The following STOX2 variants were observed in gnomAD, a reference collection of about 807,000 sequenced individuals.
The protein encoded by STOX2 is storkhead box 2.
STOX2 carries 28 observed loss-of-function variants against 60.9 expected under a neutral mutation model. The ratio of observed to expected loss-of-function variants is 0.46; its 90% CI spans 0.34 to 0.63. The LOEUF (loss-of-function observed/expected upper bound fraction) is 0.63, where lower values mean the gene tolerates loss of function less well. Ranked by LOEUF, STOX2 falls within the 30% of genes least tolerant of loss-of-function variation. STOX2 has a pLI of 0.01. For synonymous variants in STOX2, 472 were observed against 463.9 expected (o/e 1.02, Z -0.22); for missense variants, 1,024 against 1,187.7 (o/e 0.86, Z 2.03).
Position 183,892,430 on chromosome 4 carries a change from C to T in STOX2, c.364+94375C>T, listed in dbSNP as rs188401342. On this transcript the variant is annotated intron_variant, in intron 1 of 2. Coordinates refer to the STOX2 transcript ENST00000513034. ...AGTAGCTGGGACTATGGGCGCCCGC[C>T]ACCACGCCCGGCTAATTTTTTTTGT... Among the ~76,000 whole-genome samples the T allele has an allele frequency of 3.7e-3, 557 of 152,200 alleles. 10 individuals carry two copies. Among genetic ancestry groups the T allele is most frequent in the Admixed American group, 0.02 (305 of 15,310 alleles).
intron 1 of STOX2, among the ~76,000 whole-genome samples, chr4:183,874,979 ATATATATATATAT>A (rs1560857887): frequency 2.7e-4 from 30 of 109,508 alleles, no homozygotes; most frequent in African/African-American, 1.0e-3. Flanking sequence ...ATATATATAT[ATATATATATATAT>A]AAAACTTAGA....
intron 1 of STOX2, among the ~76,000 whole-genome samples, chr4:183,876,822 A>T (rs767814593): frequency 3.9e-5 from 6 of 152,220 alleles, no homozygotes; most frequent in Non-Finnish European, 7.3e-5. Context: ...CGGGCATTCT[A>T]TTCTGACGTT....
chr4:183,971,594 C>T (rs1418689247), intron 1 of STOX2, among the ~76,000 whole-genome samples: 1 of 152,186 alleles, frequency 6.6e-6, no homozygotes, highest in African/African-American at 2.4e-5. Flanking sequence ...CTTTGAGTCA[C>T]CCATATCTGT....
At chr4:183,858,692 C>T (rs969501631) in intron 1 of STOX2, among the ~76,000 whole-genome samples, 1 of 152,238 alleles carries the variant, frequency 6.6e-6, no homozygotes, top group Admixed American at 6.5e-5. Flanking sequence ...GATAGTTATC[C>T]CTCTAGACTT....
At chr4:183,924,785 G>A (rs913558274) in intron 1 of STOX2, among the ~76,000 whole-genome samples, 3 of 152,102 alleles carry the variant, frequency 2.0e-5, no homozygotes, top group Admixed American at 1.3e-4. Context: ...CATGCCTGGC[G>A]GTGCCTGTCT....
At chr4:183,959,332 A>AG (rs148979249) in intron 1 of STOX2, among the ~76,000 whole-genome samples, 1,742 of 152,238 alleles carry the variant, frequency 0.011, 31 homozygotes, top group African/African-American at 0.04. Flanking sequence ...TCAGGGCGGA[A>AG]GGGGGGGTTT....
chr4:183,923,629 A>G (rs1742161337), intron 1 of STOX2, among the ~76,000 whole-genome samples: 2 of 152,340 alleles, frequency 1.3e-5, no homozygotes, highest in East Asian at 1.9e-4. Context: ...GGCAAAGTAC[A>G]CTTGTGATTC....
intron 1 of STOX2, among the ~76,000 whole-genome samples, chr4:183,874,309 T>C (rs1740762496): frequency 6.6e-6 from 1 of 152,198 alleles, no homozygotes; most frequent in South Asian, 2.1e-4. Flanking sequence ...CATTTTTCTT[T>C]GGTTGTGCAG....
At chr4:183,877,847 AT>A (rs970410282) in intron 1 of STOX2, among the ~76,000 whole-genome samples, 99 of 149,464 alleles carry the variant, frequency 6.6e-4, no homozygotes, top group African/African-American at 1.7e-3. Flanking sequence ...CACCTGACTA[AT>A]TTTTTTTTTC....
At chr4:183,866,761 C>T (rs1020604896) in intron 1 of STOX2, among the ~76,000 whole-genome samples, 1 of 152,188 alleles carries the variant, frequency 6.6e-6, no homozygotes, top group Non-Finnish European at 1.5e-5. Flanking sequence ...TGCCTGTAGT[C>T]CCAGCACGTT....
intron 2 of STOX2, among the ~76,000 whole-genome samples, chr4:184,004,138 T>A (rs1178653617): frequency 6.6e-6 from 1 of 152,210 alleles, no homozygotes. Flanking sequence ...AGTTCTTTTA[T>A]ATCTTACTAT....
chr4:183,928,841 C>T (rs545194986), intron 1 of STOX2, among the ~76,000 whole-genome samples: 1 of 152,006 alleles, frequency 6.6e-6, no homozygotes, highest in Non-Finnish European at 1.5e-5. Flanking sequence ...AACAAAAAAA[C>T]TTGGTTTCTT....
chr4:183,841,223 A>T (rs570963133), intron 1 of STOX2, among the ~76,000 whole-genome samples: 2 of 139,100 alleles, frequency 1.4e-5, no homozygotes, highest in Admixed American at 7.2e-5. Flanking sequence ...ATTTATTTAT[A>T]GACAGGTTCT....
At chr4:183,837,603 C>T (rs999896639) in intron 1 of STOX2, among the ~76,000 whole-genome samples, 3 of 151,836 alleles carry the variant, frequency 2.0e-5, no homozygotes, top group Non-Finnish European at 2.9e-5. Flanking sequence ...GGATTACAGA[C>T]GTGCACCACC....
intron 1 of STOX2, among the ~76,000 whole-genome samples, chr4:183,819,611 GGAGGAGGGA>G (rs1739259794): frequency 7.3e-6 from 1 of 137,620 alleles, no homozygotes; most frequent in African/African-American, 2.7e-5. Flanking sequence ...AGGGGGAGGG[GGAGGAGGGA>G]GAGGCGAAAT....
intron 1 of STOX2, among the ~76,000 whole-genome samples, chr4:183,943,292 A>G (rs1047146812): frequency 1.1e-4 from 16 of 152,246 alleles, no homozygotes; most frequent in African/African-American, 2.4e-5. Context: ...TTAAAAATCT[A>G]AAATACTTTA....
chr4:183,963,122 C>T (rs949874652), intron 1 of STOX2, among the ~76,000 whole-genome samples: 3 of 152,154 alleles, frequency 2.0e-5, no homozygotes, highest in Non-Finnish European at 4.4e-5. Context: ...ACTCACCAGT[C>T]ACAAAAGTCA....
At chr4:183,837,586 G>A (rs562031450) in intron 1 of STOX2, among the ~76,000 whole-genome samples, 1 of 151,698 alleles carries the variant, frequency 6.6e-6, no homozygotes, top group Non-Finnish European at 1.5e-5. Flanking sequence ...AGCCTCCCAC[G>A]TAGCTGGGAT....
intron 1 of STOX2, among the ~76,000 whole-genome samples, chr4:183,912,249 A>G (rs1741801647): frequency 6.6e-6 from 1 of 152,016 alleles, no homozygotes; most frequent in South Asian, 2.1e-4. Flanking sequence ...TGGTTTTGTT[A>G]TTTTAAAATC....
Sources: allele counts gnomAD v4.1 joint callset (sites outside exome capture counted in the v4.1 genomes callset), GRCh38; gene constraint gnomAD v4.1.1; transcripts MANE v1.5; gene names NCBI Gene and HGNC (gene_info 2026-07-23, HGNC 2026-07-21).